The following DMAC1 variants were observed in gnomAD, a reference collection of about 807,000 sequenced individuals.
DMAC1 encodes the protein distal membrane-arm assembly complex protein 1.
In DMAC1, 10 loss-of-function variants were observed where a neutral mutation model predicts 7.0. The observed-to-expected ratio is 1.43, with a 90% CI of 0.88 to 2.43. The LOEUF is 2.43. Among genes scored for constraint, DMAC1 ranks in the 30% most tolerant of loss-of-function variants. The pLI is 0.00. For synonymous variants in DMAC1, 92 were observed against 66.2 expected (o/e 1.39, Z -1.90); for missense variants, 219 against 158.7 (o/e 1.38, Z -2.04).
rs1818637773 is a variant in DMAC1 at position 7,797,673 on chromosome 9, G to C, written c.*900C>G. 6.6e-6 allele frequency: 1 copy of C among 151,332 alleles called. No homozygotes were observed. Among genetic ancestry groups the C allele is most frequent in the South Asian group, 2.1e-4 (1 of 4,800 alleles). 9.4% of individuals were successfully genotyped at this position (151,332 alleles called of 1,614,324 possible). A position where few individuals can be genotyped will look rare whatever the true frequency, so the allele number is the denominator to read the frequency against. On this transcript the variant is annotated 3_prime_UTR_variant, in exon 2 of 2. Coordinates refer to ENST00000358227, the MANE Select transcript of DMAC1 (RefSeq NM_033428.3). The stretch of plus-strand genomic sequence containing the variant: ...CAAAATCATCACAGAAACATATCTA[G>C]TGCTTGTGGAAAAAGAATCAAAAGA...
At position 7,797,023 on chromosome 9, in the gene DMAC1, T is replaced by C. The variant is rs1818621096; in HGVS notation, c.*1550A>G. The C allele has an allele frequency of 6.6e-6, 1 of 152,200 alleles. No homozygotes were observed. Among genetic ancestry groups the C allele is most frequent in the Admixed American group, 6.5e-5 (1 of 15,272 alleles). 9.4% of individuals were successfully genotyped at this position (152,200 alleles called of 1,614,324 possible). On this transcript the variant is annotated 3_prime_UTR_variant, in exon 2 of 2. Coordinates refer to ENST00000358227, the MANE Select transcript of DMAC1 (RefSeq NM_033428.3). Reference sequence around the variant, plus strand: ...TGTATATATATTTAAGAGTTATTATTTACCCAGTAGATCAAGCCAAGACCA... The same window carrying C: ...TGTATATATATTTAAGAGTTATTATCTACCCAGTAGATCAAGCCAAGACCA...
chr9:7,799,554 C>T lies in DMAC1; in HGVS notation c.181G>A (p.Ala61Thr), dbSNP rs2129805434. 1.2e-6 allele frequency: 2 copies of T among 1,613,870 alleles called. No homozygotes were observed. The highest frequency in any genetic ancestry group is 1.1e-5 in the South Asian group (1 of 91,052). ...RVLSGLGLMG[A>T]GGYVYWVARK... ...GCCACCCAGTACACGTACCCGCCCG[C>T]CCCCATCAGCCCCAACCCAGAAAGC... The change falls in exon 1 of 2, where the codon GCG (alanine) becomes ACG (threonine). Residue 61 changes from alanine (A) to threonine (T), a missense_variant. Ala to Thr is a moderately conservative substitution (Grantham distance 58). Transcript: ENST00000358227.
chr9:7,799,598 G>C lies in DMAC1; in HGVS notation c.137C>G (p.Thr46Ser). 1.5e-5 allele frequency: 24 copies of C among 1,613,732 alleles called. No homozygotes were observed. Among genetic ancestry groups the C allele is most frequent in the Non-Finnish European group, 2.0e-5 (24 of 1,179,980 alleles). Residue 46 changes from threonine to serine, a missense_variant, in exon 1 of 2, where the codon ACC becomes AGC. Coordinates refer to ENST00000358227, the MANE Select transcript of DMAC1 (RefSeq NM_033428.3). ...AGAAAGCACGCGACAGCTCCAGCAG[G>C]TCTTCAACAGGCGGTGTTCTGCTGG... ...TSPAEHRLLKTCWSCRVLSGL... is the reference protein window; with the variant it reads ...TSPAEHRLLKSCWSCRVLSGL...
Position 7,797,573 on chromosome 9 carries a change from A to C in DMAC1, c.*1000T>G, listed in dbSNP as rs1818634390. On this transcript the variant is annotated 3_prime_UTR_variant, in exon 2 of 2. Coordinates refer to ENST00000358227, the MANE Select transcript of DMAC1 (RefSeq NM_033428.3). ...CTTTACAAAGAAGCCATAGTATCTC[A>C]GGGTAGAAAAACCCAATAGGTAGAA... The C allele has an allele frequency of 6.6e-6, 1 of 152,248 alleles. No individual in the cohort carries two copies. Among genetic ancestry groups the C allele is most frequent in the Admixed American group, 6.5e-5 (1 of 15,284 alleles). 9.4% of individuals were successfully genotyped at this position (152,248 alleles called of 1,614,324 possible). A position where few individuals can be genotyped will look rare whatever the true frequency, so the allele number is the denominator to read the frequency against.
Position 7,799,543 on chromosome 9 carries a change from G to A in DMAC1, c.192C>T (p.Tyr64=). The change falls in exon 1 of 2, where the codon TAC becomes TAT. Residue 64 remains tyrosine (Y), a synonymous_variant. Coordinates refer to ENST00000358227, the MANE Select transcript of DMAC1 (RefSeq NM_033428.3). The part of the protein sequence containing the change: ...SGLGLMGAGG[Y]VYWVARKPMK... Reference sequence around the variant, plus strand: ...TGGGCTTCCGTGCCACCCAGTACACGTACCCGCCCGCCCCCATCAGCCCCA... The same window carrying A: ...TGGGCTTCCGTGCCACCCAGTACACATACCCGCCCGCCCCCATCAGCCCCA... The A allele has an allele frequency of 6.2e-7, 1 of 1,613,784 alleles. No individual in the cohort carries two copies.
At position 7,796,875 on chromosome 9, in the gene DMAC1, A is replaced by G. The variant is rs1053847883; in HGVS notation, c.*1698T>C. ...GTTAATCAACTGCTTTATGTTATCA[A>G]TAAGGCTTCCAGTCAATTGTAAACT... On this transcript the variant is annotated 3_prime_UTR_variant, in exon 2 of 2. Coordinates refer to ENST00000358227, the MANE Select transcript of DMAC1 (RefSeq NM_033428.3). 2 of 152,232 alleles carry G rather than the reference A, an allele frequency of 1.3e-5. No individual in the cohort carries two copies. The highest frequency in any genetic ancestry group is 1.9e-4 in the East Asian group (1 of 5,200). The allele number at this position is 152,232 out of a possible 1,614,324, so 9.4% of individuals were successfully genotyped here.
In DMAC1 at chr9:7,797,907, T is replaced by C. The variant is rs947147493; in HGVS notation, c.*666A>G. The stretch of plus-strand genomic sequence containing the variant: ...CCCTAGGCAAATCATGTGGGCTCTT[T>C]CTTGTGTTTTAAGTTTTACCTCCAA... On this transcript the variant is annotated 3_prime_UTR_variant, in exon 2 of 2. Coordinates refer to ENST00000358227, the MANE Select transcript of DMAC1 (RefSeq NM_033428.3). 1 of 152,206 alleles carries C rather than the reference T, an allele frequency of 6.6e-6. No individual in the cohort carries two copies. Among genetic ancestry groups the C allele is most frequent in the Non-Finnish European group, 1.5e-5 (1 of 68,050 alleles). 9.4% of individuals were successfully genotyped at this position (152,206 alleles called of 1,614,324 possible). A position where few individuals can be genotyped will look rare whatever the true frequency, so the allele number is the denominator to read the frequency against.
At position 7,797,665 on chromosome 9, in the gene DMAC1, C is replaced by T. The variant is rs1818637423; in HGVS notation, c.*908G>A. ...ACTTATCTCAAAATCATCACAGAAA[C>T]ATATCTAGTGCTTGTGGAAAAAGAA... On this transcript the variant is annotated 3_prime_UTR_variant, in exon 2 of 2. Transcript: ENST00000358227. 6.6e-6 allele frequency: 1 copy of T among 151,400 alleles called. No individual in the cohort carries two copies. The allele number at this position is 151,400 out of a possible 1,614,324, so 9.4% of individuals were successfully genotyped here. A position where few individuals can be genotyped will look rare whatever the true frequency, so the allele number is the denominator to read the frequency against.
chr9:7,799,025 T>C (rs1818681645), intron 1 of DMAC1, among the ~76,000 whole-genome samples: 1 of 152,018 alleles, frequency 6.6e-6, no homozygotes, highest in South Asian at 2.1e-4. Context: ...GATCTGGGAT[T>C]CAAGGCAAAT....
Position 7,798,540 on chromosome 9 carries a change from C to A in DMAC1, c.*33G>T. On this transcript the variant is annotated 3_prime_UTR_variant, in exon 2 of 2. Transcript: ENST00000358227. ...GCTGTGTGTGTCACGGGGAAAGGGA[C>A]AGAGACAGAAGACAGATTCACTGGT... 1 of 1,612,292 alleles carries A rather than the reference C, an allele frequency of 6.2e-7. No homozygotes were observed. Among genetic ancestry groups the A allele is most frequent in the Non-Finnish European group, 8.5e-7 (1 of 1,178,350 alleles).
At position 7,797,712 on chromosome 9, in the gene DMAC1, T is replaced by C. The variant is rs1196054606; in HGVS notation, c.*861A>G. 18 of 151,354 alleles carry C rather than the reference T, an allele frequency of 1.2e-4. No homozygotes were observed. The highest frequency in any genetic ancestry group is 1.1e-3 in the Admixed American group (16 of 15,210). 9.4% of individuals were successfully genotyped at this position (151,354 alleles called of 1,614,324 possible). On this transcript the variant is annotated 3_prime_UTR_variant, in exon 2 of 2. Transcript: ENST00000358227. ...AGAATCAAAAGATCTTTTTTTTTTT[T>C]AGCTAAAGGTTTTGAATTTTTCTTG...
In DMAC1 at chr9:7,796,668, GA is replaced by G. The variant is rs1818606410; in HGVS notation, c.*1904del. 1 of 152,216 alleles carries G rather than the reference GA, an allele frequency of 6.6e-6. No homozygotes were observed. The highest frequency in any genetic ancestry group is 2.1e-4 in the South Asian group (1 of 4,828). The allele number at this position is 152,216 out of a possible 1,614,324, so 9.4% of individuals were successfully genotyped here. A position where few individuals can be genotyped will look rare whatever the true frequency, so the allele number is the denominator to read the frequency against. ...TTCTTCCACCTCTGCCACTGGGACAGAAAGACCAACTCCTCTTGCTCCTCAG... is the reference window on the plus strand; with the variant it reads ...TTCTTCCACCTCTGCCACTGGGACAGAAGACCAACTCCTCTTGCTCCTCAG... On this transcript the variant is annotated 3_prime_UTR_variant, in exon 2 of 2. Transcript: ENST00000358227.
Position 7,798,643 on chromosome 9 carries a change from A to T in DMAC1, c.275-6T>A. On this transcript the variant is annotated splice_polypyrimidine_tract_variant and splice_region_variant and intron_variant, in intron 1 of 1. Transcript: ENST00000358227. ...GATACCCCAGGTGGCAATGCCTAGA[A>T]AAAAAACAACAATACCTTACCTTTA... The T allele has an allele frequency of 1.3e-6, 2 of 1,558,494 alleles. No homozygotes were observed. The highest frequency in any genetic ancestry group is 1.7e-6 in the Non-Finnish European group (2 of 1,148,384).
rs1161385426 is a variant in DMAC1, at chr9:7,798,229, AAT to A, written c.*342_*343del. 5.7e-6 allele frequency: 1 copy of A among 175,972 alleles called. No individual in the cohort carries two copies. Among genetic ancestry groups the A allele is most frequent in the Non-Finnish European group, 1.2e-5 (1 of 83,240 alleles). The allele number at this position is 175,972 out of a possible 1,614,324, so 10.9% of individuals were successfully genotyped here. On this transcript the variant is annotated 3_prime_UTR_variant, in exon 2 of 2. Transcript: ENST00000358227. ...AAACATATTTATGTTTATTATATAT[AAT>A]ATGACATGCAATTATATAAGACATA...
At position 7,797,683 on chromosome 9, in the gene DMAC1, A is replaced by G. The variant is rs1818638036; in HGVS notation, c.*890T>C. 1 of 146,816 alleles carries G rather than the reference A, an allele frequency of 6.8e-6. No individual in the cohort carries two copies. The highest frequency in any genetic ancestry group is 1.5e-5 in the Non-Finnish European group (1 of 66,852). 9.1% of individuals were successfully genotyped at this position (146,816 alleles called of 1,614,324 possible). On this transcript the variant is annotated 3_prime_UTR_variant, in exon 2 of 2. Coordinates refer to ENST00000358227, the MANE Select transcript of DMAC1 (RefSeq NM_033428.3). ...ACAGAAACATATCTAGTGCTTGTGG[A>G]AAAAGAATCAAAAGATCTTTTTTTT... is the stretch of plus-strand genomic sequence containing the variant.
rs1482059181 is a variant in DMAC1 at position 7,796,598 on chromosome 9, AAAC to A, written c.*1972_*1974del. 2 of 152,192 alleles carry A rather than the reference AAAC, an allele frequency of 1.3e-5. No individual in the cohort carries two copies. Among genetic ancestry groups the A allele is most frequent in the Admixed American group, 6.5e-5 (1 of 15,284 alleles). 9.4% of individuals were successfully genotyped at this position (152,192 alleles called of 1,614,324 possible). ...AATGCTATTACAATACAGTTGACCCAAACAACACAGGTTTGAACTGCGCAGGTC... is the reference window on the plus strand; with the variant it reads ...AATGCTATTACAATACAGTTGACCCAAACACAGGTTTGAACTGCGCAGGTC... On this transcript the variant is annotated 3_prime_UTR_variant, in exon 2 of 2. Transcript: ENST00000358227.
chr9:7,798,690 G>T, intron 1 of DMAC1, 53 bp from the exon 2 acceptor site: 1 of 1,429,072 alleles, frequency 7.0e-7, no homozygotes, highest in Non-Finnish European at 9.4e-7. Context: ...AATTTACCAA[G>T]TGTTTCACAT....
At position 7,796,844 on chromosome 9, in the gene DMAC1, A is replaced by C. The variant is rs1818613037; in HGVS notation, c.*1729T>G. On this transcript the variant is annotated 3_prime_UTR_variant, in exon 2 of 2. Transcript: ENST00000358227. Reference sequence around the variant, plus strand: ...CGGAATATAATACATACAACACAAAAAATGTGTTAATCAACTGCTTTATGT... The same window carrying C: ...CGGAATATAATACATACAACACAAACAATGTGTTAATCAACTGCTTTATGT... 1 of 117,844 alleles carries C rather than the reference A, an allele frequency of 8.5e-6. No homozygotes were observed. The highest frequency in any genetic ancestry group is 2.8e-5 in the African/African-American group (1 of 35,138). The allele number at this position is 117,844 out of a possible 1,614,324, so 7.3% of individuals were successfully genotyped here. A position where few individuals can be genotyped will look rare whatever the true frequency, so the allele number is the denominator to read the frequency against.
rs1462804871 is a variant in DMAC1, at chr9:7,798,497, C to T, written c.*76G>A. 1.4e-6 allele frequency: 2 copies of T among 1,458,812 alleles called. No homozygotes were observed. The highest frequency in any genetic ancestry group is 2.8e-5 in the African/African-American group (2 of 71,816). The allele number at this position is 1,458,812 out of a possible 1,614,324, so 90.4% of individuals were successfully genotyped here. A position where few individuals can be genotyped will look rare whatever the true frequency, so the allele number is the denominator to read the frequency against. The stretch of plus-strand genomic sequence containing the variant: ...ATGTACAAGTGTCTGTCCAGAACAC[C>T]CATTAAATTCCATGCCTGCTGTGTG... On this transcript the variant is annotated 3_prime_UTR_variant, in exon 2 of 2. Transcript: ENST00000358227.
Sources: allele counts gnomAD v4.1 joint callset (sites outside exome capture counted in the v4.1 genomes callset), GRCh38; gene constraint gnomAD v4.1.1; transcripts MANE v1.5; gene names NCBI Gene and HGNC (gene_info 2026-07-23, HGNC 2026-07-21).